NETO1: variants seen among roughly 807,000 people sequenced by gnomAD.
The protein encoded by NETO1 is neuropilin and tolloid-like protein 1.
A neutral mutation model predicts 61.3 loss-of-function variants in NETO1; 26 were observed. That is an observed-to-expected ratio of 0.42 (90% CI 0.31 to 0.59). The LOEUF (loss-of-function observed/expected upper bound fraction) is 0.59, where lower values mean the gene tolerates loss of function less well. Among genes scored for constraint, NETO1 ranks in the 20% least tolerant of loss-of-function variants. NETO1 has a pLI of 0.12. For synonymous variants in NETO1, 225 were observed against 225.8 expected, an observed-to-expected ratio of 1.00 and a Z score of 0.03; for missense variants, 531 against 662.8, an observed-to-expected ratio of 0.80 and a Z score of 2.18.
chr18:72,772,827 A>T (rs8090889), intron 7 of NETO1, among the ~76,000 whole-genome samples: 1 of 6,158 alleles, frequency 1.6e-4, no homozygotes, highest in South Asian at 8.3e-3. Flanking sequence ...CTCTCTCTCT[A>T]TATATATATA....
chr18:72,751,824 A>G lies in NETO1; in HGVS notation c.983-1204T>C, dbSNP rs573155757. 3 of 152,442 alleles carry G rather than the reference A, an allele frequency of 2.0e-5. No homozygotes were observed. The East Asian group carries it at 5.8e-4, about 29-fold the overall frequency. The allele number at this position is 152,442 out of a possible 1,614,324, so 9.4% of individuals were successfully genotyped here. A position where few individuals can be genotyped will look rare whatever the true frequency, so the allele number is the denominator to read the frequency against. ...GAGTCAGGCTGAAAGTACAGAAAGCATTATAGCTTCCCCTAAATAAAGTTA... is the reference window on the plus strand; with the variant it reads ...GAGTCAGGCTGAAAGTACAGAAAGCGTTATAGCTTCCCCTAAATAAAGTTA... On this transcript the variant is annotated intron_variant, in intron 8 of 10. Transcript: ENST00000327305.
Position 72,746,804 on chromosome 18 carries a change from T to C in NETO1, c.*1375A>G, listed in dbSNP as rs879667378. ...GTAATTCTTATTTTAAAAATTTATT[T>C]TGTAAGATTACACATTGAATATTTT... On this transcript the variant is annotated 3_prime_UTR_variant, in exon 11 of 11. Coordinates refer to ENST00000327305, the MANE Select transcript of NETO1 (RefSeq NM_138966.5). 6.6e-6 allele frequency among the ~76,000 whole-genome samples: 1 copy of C among 152,012 alleles called. No individual in the cohort carries two copies. Among genetic ancestry groups the C allele is most frequent in the African/African-American group, 2.4e-5 (1 of 41,434 alleles).
intron 7 of NETO1, among the ~76,000 whole-genome samples, chr18:72,764,849 A>T (rs972604502): frequency 6.7e-4 from 102 of 152,232 alleles, no homozygotes; most frequent in Middle Eastern, 3.4e-3. Context: ...GCTCAAGACC[A>T]TCCTTGGGTC....
intron 4 of NETO1, among the ~76,000 whole-genome samples, chr18:72,823,088 C>T (rs115437149): frequency 5.3e-5 from 8 of 152,174 alleles, no homozygotes; most frequent in Admixed American, 1.3e-4. Flanking sequence ...AAGCCTCCCA[C>T]GTATCTCACA....
At position 72,748,018 on chromosome 18, in the gene NETO1, G is replaced by T; in HGVS notation, c.*161C>A. On this transcript the variant is annotated 3_prime_UTR_variant, in exon 11 of 11. Transcript: ENST00000327305. ...AAATGAACATATCAGTGTGCAGCGGGGATGTCTTGCCGAAGGAATAACAAA... is the reference window on the plus strand; with the variant it reads ...AAATGAACATATCAGTGTGCAGCGGTGATGTCTTGCCGAAGGAATAACAAA... 2 of 460,158 alleles carry T rather than the reference G, an allele frequency of 4.3e-6. No homozygotes were observed. The highest frequency in any genetic ancestry group is 5.7e-6 in the Non-Finnish European group (2 of 350,064). The allele number at this position is 460,158 out of a possible 1,614,324, so 28.5% of individuals were successfully genotyped here. A position where few individuals can be genotyped will look rare whatever the true frequency, so the allele number is the denominator to read the frequency against.
At chr18:72,838,986 G>A (rs1477390344) in intron 4 of NETO1, among the ~76,000 whole-genome samples, 3 of 152,160 alleles carry the variant, frequency 2.0e-5, no homozygotes, top group Non-Finnish European at 4.4e-5. Context: ...AGCTAAAACA[G>A]ATAAAGCATA....
intron 4 of NETO1, among the ~76,000 whole-genome samples, chr18:72,832,762 T>G (rs767063827): frequency 1.3e-5 from 2 of 152,220 alleles, no homozygotes; most frequent in Non-Finnish European, 2.9e-5. Context: ...CAATTCACTT[T>G]TTAGTACCAA....
intron 6 of NETO1, among the ~76,000 whole-genome samples, chr18:72,787,884 G>A (rs1251363862): frequency 6.6e-6 from 1 of 152,040 alleles, no homozygotes; most frequent in African/African-American, 2.4e-5. Context: ...AAAACAAAAT[G>A]AGTAATCAAA....
intron 4 of NETO1, among the ~76,000 whole-genome samples, chr18:72,844,193 T>C (rs779875924): frequency 6.6e-6 from 1 of 151,900 alleles, no homozygotes; most frequent in East Asian, 1.9e-4. Context: ...TCTACTTCTC[T>C]TTCTCAACAC....
chr18:72,852,000 A>G (rs1186826100), intron 4 of NETO1, among the ~76,000 whole-genome samples: 2 of 152,196 alleles, frequency 1.3e-5, no homozygotes, highest in Non-Finnish European at 2.9e-5. Context: ...GAAGGAAATA[A>G]ATTCCAAGGT....
intron 7 of NETO1, among the ~76,000 whole-genome samples, chr18:72,775,615 C>G (rs1002736294): frequency 6.6e-6 from 1 of 152,146 alleles, no homozygotes; most frequent in Non-Finnish European, 1.5e-5. Flanking sequence ...TGTAATCACT[C>G]AAAACAATGC....
intron 4 of NETO1, among the ~76,000 whole-genome samples, chr18:72,838,730 T>C (rs2073833400): frequency 6.6e-6 from 1 of 152,242 alleles, no homozygotes; most frequent in African/African-American, 2.4e-5. Context: ...AAAATGCTTC[T>C]ACTCTAAGAC....
chr18:72,862,673 C>T (rs973966810), intron 3 of NETO1, among the ~76,000 whole-genome samples: 8 of 144,200 alleles, frequency 5.5e-5, no homozygotes, highest in South Asian at 2.2e-4. Flanking sequence ...CGGGCTGGAG[C>T]GCAGTGGTGC....
At chr18:72,831,473 T>G (rs1362284788) in intron 4 of NETO1, among the ~76,000 whole-genome samples, 1 of 152,226 alleles carries the variant, frequency 6.6e-6, no homozygotes, top group Non-Finnish European at 1.5e-5. Context: ...TTATAAATTT[T>G]AACATCTCTG....
intron 6 of NETO1, among the ~76,000 whole-genome samples, chr18:72,789,568 A>G (rs573962613): frequency 1.6e-4 from 25 of 152,292 alleles, no homozygotes; most frequent in African/African-American, 5.1e-4. Flanking sequence ...GCTCGGTAAC[A>G]AATCACCACA....
chr18:72,865,560 G>C (rs763535827), intron 1 of NETO1: 2 of 1,606,306 alleles, frequency 1.2e-6, no homozygotes, highest in South Asian at 2.3e-5. Context: ...GAGTCACACT[G>C]TATCTAAACT....
chr18:72,758,922 T>C (rs772799974), intron 7 of NETO1, among the ~76,000 whole-genome samples: 26 of 152,104 alleles, frequency 1.7e-4, no homozygotes, highest in Non-Finnish European at 2.1e-4. Context: ...ATAAATTTTG[T>C]TTTATAGACA....
intron 4 of NETO1, among the ~76,000 whole-genome samples, chr18:72,796,871 C>T (rs1338231242): frequency 3.9e-5 from 6 of 152,040 alleles, no homozygotes; most frequent in African/African-American, 1.4e-4. Flanking sequence ...AAGATGCTTC[C>T]TAGTAGAAAT....
At chr18:72,839,214 G>C (rs1004766660) in intron 4 of NETO1, among the ~76,000 whole-genome samples, 4 of 152,182 alleles carry the variant, frequency 2.6e-5, no homozygotes, top group Admixed American at 1.3e-4. Flanking sequence ...CTGAATCCCA[G>C]TATGAGTAAA....
Sources: allele counts gnomAD v4.1 joint callset (sites outside exome capture counted in the v4.1 genomes callset), GRCh38; gene constraint gnomAD v4.1.1; transcripts MANE v1.5; gene names NCBI Gene and HGNC (gene_info 2026-07-23, HGNC 2026-07-21).